The following PTPN4 variants were observed in gnomAD, a reference collection of about 807,000 sequenced individuals.
PTPN4 encodes tyrosine-protein phosphatase non-receptor type 4.
In PTPN4, 49 loss-of-function variants were observed where a neutral mutation model predicts 135.5. The ratio of observed to expected loss-of-function variants is 0.36; its 90% CI spans 0.29 to 0.46. The LOEUF (loss-of-function observed/expected upper bound fraction) is 0.46, where lower values mean the gene tolerates loss of function less well. Among genes scored for constraint, PTPN4 ranks in the 20% least tolerant of loss-of-function variants. PTPN4 has a pLI of 1.00. For missense variants in PTPN4, 860 were observed against 1,101.0 expected, an observed-to-expected ratio of 0.78 and a Z score of 3.10; for synonymous variants, 333 against 369.9, an observed-to-expected ratio of 0.90 and a Z score of 1.14.
At chr2:119,879,104 A>AT (rs1183064166) in intron 5 of PTPN4, among the ~76,000 whole-genome samples, 1 of 151,854 alleles carries the variant, frequency 6.6e-6, no homozygotes, top group East Asian at 1.9e-4. Context: ...AAAAAAAAAA[A>AT]AACAAAAATG....
chr2:119,924,244 A>G (rs897949477), intron 12 of PTPN4, among the ~76,000 whole-genome samples: 1 of 151,142 alleles, frequency 6.6e-6, no homozygotes, highest in Non-Finnish European at 1.5e-5. Context: ...GGTTTTCTTC[A>G]TCTTTTTTCC....
chr2:119,875,234 C>T (rs1677967912), intron 3 of PTPN4, among the ~76,000 whole-genome samples: 2 of 152,188 alleles, frequency 1.3e-5, no homozygotes, highest in Non-Finnish European at 2.9e-5. Context: ...TGTTATAGCA[C>T]TGTTCCATCT....
chr2:119,873,668 G>C (rs1021599362), intron 3 of PTPN4, among the ~76,000 whole-genome samples: 2 of 152,074 alleles, frequency 1.3e-5, no homozygotes, highest in African/African-American at 4.8e-5. Flanking sequence ...ATGTAGTACC[G>C]TCTCTTGTTA....
chr2:119,861,423 A>C (rs1558747860), intron 2 of PTPN4, among the ~76,000 whole-genome samples: 1 of 152,206 alleles, frequency 6.6e-6, no homozygotes, highest in Admixed American at 6.5e-5. Context: ...ATATTTTTCT[A>C]ATATATGTTG....
chr2:119,971,762 A>G (rs1259025438), intron 26 of PTPN4, among the ~76,000 whole-genome samples: 1 of 152,228 alleles, frequency 6.6e-6, no homozygotes, highest in African/African-American at 2.4e-5. Flanking sequence ...TGAGTCTACA[A>G]GTTTTATAGT....
At chr2:119,813,883 T>A (rs1481897377) in intron 2 of PTPN4, among the ~76,000 whole-genome samples, 1 of 152,140 alleles carries the variant, frequency 6.6e-6, no homozygotes, top group Admixed American at 6.5e-5. Context: ...CCCAGAACTG[T>A]CTCCTTTGCT....
intron 1 of PTPN4, among the ~76,000 whole-genome samples, chr2:119,764,162 A>G (rs898625278): frequency 6.6e-6 from 1 of 152,236 alleles, no homozygotes; most frequent in Admixed American, 6.5e-5. Context: ...AAGCGTATGT[A>G]TAAAGCACAC....
At chr2:119,804,965 G>A (rs996977758) in intron 1 of PTPN4, among the ~76,000 whole-genome samples, 5 of 152,000 alleles carry the variant, frequency 3.3e-5, no homozygotes, top group East Asian at 1.9e-4. Flanking sequence ...TTTAATGATC[G>A]CCATTCTAAC....
chr2:119,828,472 G>C (rs1422131455), intron 2 of PTPN4, among the ~76,000 whole-genome samples: 1 of 152,186 alleles, frequency 6.6e-6, no homozygotes, highest in Admixed American at 6.5e-5. Flanking sequence ...GTGGACCCTT[G>C]ATTTGTACAC....
intron 2 of PTPN4, among the ~76,000 whole-genome samples, chr2:119,829,389 A>G (rs928728057): frequency 5.3e-5 from 8 of 152,374 alleles, no homozygotes; most frequent in East Asian, 1.9e-4. Flanking sequence ...AGTGGTATCA[A>G]TTAAGTTCAC....
intron 3 of PTPN4, among the ~76,000 whole-genome samples, chr2:119,870,836 G>A (rs1448821374): frequency 6.6e-6 from 1 of 151,886 alleles, no homozygotes; most frequent in Non-Finnish European, 1.5e-5. Context: ...GGTAAGAGTT[G>A]GAAACATTTT....
intron 1 of PTPN4, among the ~76,000 whole-genome samples, chr2:119,783,662 T>TA (rs970807674): frequency 6.6e-6 from 1 of 152,212 alleles, no homozygotes; most frequent in Non-Finnish European, 1.5e-5. Flanking sequence ...ACTACTCTAT[T>TA]ACTTTTGCCT....
chr2:119,904,126 A>T (rs1178735563), intron 10 of PTPN4, among the ~76,000 whole-genome samples: 5 of 152,172 alleles, frequency 3.3e-5, no homozygotes, highest in African/African-American at 7.2e-5. Flanking sequence ...TAAAATAATG[A>T]TATTAAAGAA....
intron 9 of PTPN4, among the ~76,000 whole-genome samples, chr2:119,897,248 A>C (rs551646694): frequency 6.6e-6 from 1 of 152,018 alleles, no homozygotes; most frequent in African/African-American, 2.4e-5. Context: ...AGTCCTTTTG[A>C]CATGATCTTG....
intron 12 of PTPN4, among the ~76,000 whole-genome samples, chr2:119,925,293 T>C (rs1414376363): frequency 6.6e-6 from 1 of 152,132 alleles, no homozygotes; most frequent in Admixed American, 6.5e-5. Flanking sequence ...CAAAATAATC[T>C]AGAAAATGGA....
At chr2:119,933,295 A>G (rs1007508532) in intron 14 of PTPN4, among the ~76,000 whole-genome samples, 18 of 152,326 alleles carry the variant, frequency 1.2e-4, no homozygotes, top group African/African-American at 4.1e-4. Flanking sequence ...CACTTATAAA[A>G]TACTTGAATT....
chr2:119,770,203 A>G (rs1384883283), intron 1 of PTPN4, among the ~76,000 whole-genome samples: 1 of 152,238 alleles, frequency 6.6e-6, no homozygotes, highest in Non-Finnish European at 1.5e-5. Flanking sequence ...TTCTTTCTTC[A>G]GAGGAACTTG....
intron 10 of PTPN4, among the ~76,000 whole-genome samples, chr2:119,913,956 A>G (rs1171565129): frequency 2.6e-5 from 4 of 152,206 alleles, no homozygotes; most frequent in African/African-American, 9.6e-5. Context: ...AAAACTTTGT[A>G]GCAAATACAA....
chr2:119,934,942 G>A lies in PTPN4; in HGVS notation c.1339G>A (p.Val447Ile). 1 of 1,612,544 alleles carries A rather than the reference G, an allele frequency of 6.2e-7. No homozygotes were observed. Among genetic ancestry groups the A allele is most frequent in the South Asian group, 1.1e-5 (1 of 90,672 alleles). ...GTCATCAACACAAGCTAATAGCATT[G>A]TTCTGGAATCATCACCGTAAGAGCT... ...SPSSTQANSI[V>I]LESSPSQETP... The change falls in exon 15 of 27, where the codon GTT becomes ATT. Residue 447 changes from valine (V) to isoleucine (I), a missense_variant. Around this residue, in one of 2 missense-constraint regions of PTPN4, gnomAD observed 684 missense variants for 807.0 expected, o/e 0.85. Coordinates refer to ENST00000263708, the MANE Select transcript of PTPN4 (RefSeq NM_002830.4).
Sources: allele counts gnomAD v4.1 joint callset (sites outside exome capture counted in the v4.1 genomes callset), GRCh38; gene constraint gnomAD v4.1.1; regional missense constraint gnomAD v4.1.1; transcripts MANE v1.5; gene names NCBI Gene and HGNC (gene_info 2026-07-23, HGNC 2026-07-21).